KDM5A: variants seen among roughly 807,000 people sequenced by gnomAD.
KDM5A encodes the protein lysine demethylase 5A, also known as lysine-specific demethylase 5A.
In KDM5A, 42 loss-of-function variants were observed where a neutral mutation model predicts 193.5. The ratio of observed to expected loss-of-function variants is 0.22; its 90% confidence interval spans 0.17 to 0.28. KDM5A has a LOEUF of 0.28. KDM5A is among the 10% of genes least tolerant of loss of function. The pLI is 1.00. For missense variants in KDM5A, 1,692 were observed against 2,055.1 expected (o/e 0.82, Z 3.42); for synonymous variants, 796 against 718.1 (o/e 1.11, Z -1.73).
At chr12:345,219 C>T (rs1944055382) in intron 10 of KDM5A, among the ~76,000 whole-genome samples, 1 of 152,186 alleles carries the variant, frequency 6.6e-6, no homozygotes, top group Admixed American at 6.5e-5. Context: ...GAAGAGCTAA[C>T]TATCCTAAAT....
intron 19 of KDM5A, among the ~76,000 whole-genome samples, chr12:313,753 T>C (rs754778083): frequency 1.1e-4 from 16 of 152,228 alleles, no homozygotes; most frequent in African/African-American, 3.9e-4. Flanking sequence ...ATGCTTCTAC[T>C]GGGAACTAAA....
At chr12:316,578 G>A (rs1175015283) in intron 19 of KDM5A, among the ~76,000 whole-genome samples, 3 of 148,674 alleles carry the variant, frequency 2.0e-5, no homozygotes, top group Middle Eastern at 6.8e-3. Flanking sequence ...TTATTACCAC[G>A]AAATTTCATT....
chr12:383,426 G>A (rs1944599953), intron 3 of KDM5A, among the ~76,000 whole-genome samples: 3 of 151,764 alleles, frequency 2.0e-5, no homozygotes, highest in Admixed American at 1.3e-4. Context: ...CATGTTGCCT[G>A]GGCTAGTCTC....
intron 3 of KDM5A, among the ~76,000 whole-genome samples, chr12:367,192 A>G (rs894101629): frequency 9.9e-5 from 15 of 152,220 alleles, no homozygotes; most frequent in Admixed American, 7.9e-4. Flanking sequence ...GGGGACTGTG[A>G]CACAGTGTTC....
Position 389,161 on chromosome 12 carries a change from A to C in KDM5A, c.-70T>G, listed in dbSNP as rs777562752. 2 of 1,405,188 alleles carry C rather than the reference A, an allele frequency of 1.4e-6. No individual in the cohort carries two copies. Among genetic ancestry groups the C allele is most frequent in the Non-Finnish European group, 2.0e-6 (2 of 990,960 alleles). 87.0% of individuals were successfully genotyped at this position (1,405,188 alleles called of 1,614,324 possible). On this transcript the variant is annotated 5_prime_UTR_variant, in exon 1 of 28. Transcript: ENST00000399788. ...GAGAAAAGCTGGCTGAAGCCCACTA[A>C]GCCCGTTCAAGTCCCCTGACAGAGG...
intron 19 of KDM5A, among the ~76,000 whole-genome samples, chr12:315,435 A>G (rs879030404): frequency 6.6e-6 from 1 of 152,152 alleles, no homozygotes; most frequent in African/African-American, 2.4e-5. Flanking sequence ...TTAGCTGGGC[A>G]TGGTGGCATG....
At position 323,208 on chromosome 12, in the gene KDM5A, TACAAAAAAA is replaced by T. The variant is rs1943741384; in HGVS notation, c.2151-11_2151-3del. 4 of 105,064 alleles carry T rather than the reference TACAAAAAAA, an allele frequency of 3.8e-5. No individual in the cohort carries two copies. Among genetic ancestry groups the T allele is most frequent in the African/African-American group, 2.6e-4 (1 of 3,918 alleles). 6.5% of individuals were successfully genotyped at this position (105,064 alleles called of 1,614,324 possible). A position where few individuals can be genotyped will look rare whatever the true frequency, so the allele number is the denominator to read the frequency against. ...AGGTCTTCTAATGGGTAGCGATATC[TACAAAAAAA>T]AAAAAAAAAAAAAAAAAAAAAAGAA... On this transcript the variant is annotated splice_region_variant and splice_polypyrimidine_tract_variant and intron_variant, in intron 15 of 27. Transcript: ENST00000399788.
chr12:325,752 G>A (rs760711939), intron 14 of KDM5A, among the ~76,000 whole-genome samples: 32 of 150,474 alleles, frequency 2.1e-4, no homozygotes, highest in Non-Finnish European at 3.1e-4. Context: ...GGTGGCTCAC[G>A]CCTGTAATCC....
chr12:289,958 T>C (rs1005196656), intron 27 of KDM5A, among the ~76,000 whole-genome samples: 4 of 149,406 alleles, frequency 2.7e-5, no homozygotes, highest in African/African-American at 7.4e-5. Context: ...TTTTTCTTTT[T>C]GAGACAGGGT....
In KDM5A at chr12:384,021, T is replaced by C. The variant is rs965282652; in HGVS notation, c.366+10A>G. On this transcript the variant is annotated intron_variant, in intron 3 of 27. Transcript: ENST00000399788. ...CTGTGCTCTAATTTCTAAACCAGTA[T>C]GAGCCTCACCTTGCTCAAAGCATAC... is the stretch of plus-strand genomic sequence containing the variant. 4.3e-6 allele frequency: 7 copies of C among 1,613,376 alleles called. No individual in the cohort carries two copies. The Admixed American group carries it at 1.2e-4, about 27-fold the overall frequency.
At position 387,978 on chromosome 12, in the gene KDM5A, G is replaced by C. The variant is rs1293626637; in HGVS notation, c.165+949C>G. ...TTAACAAGCAACGACTAAAGCAATG[G>C]TTCGAAAACCTCAACTTACATGAGA... On this transcript the variant is annotated intron_variant, in intron 1 of 27. Coordinates refer to ENST00000399788, the MANE Select transcript of KDM5A (RefSeq NM_001042603.3). Among the ~76,000 whole-genome samples the C allele has an allele frequency of 3.0e-5, 3 of 98,820 alleles. No individual in the cohort carries two copies. In the South Asian group the frequency reaches 9.9e-4, roughly 33 times the overall value. 64.8% of individuals were successfully genotyped at this position (98,820 alleles called of 152,430 possible). A position where few individuals can be genotyped will look rare whatever the true frequency, so the allele number is the denominator to read the frequency against.
At chr12:324,907 T>G (rs1370470312) in intron 14 of KDM5A, among the ~76,000 whole-genome samples, 1 of 151,954 alleles carries the variant, frequency 6.6e-6, no homozygotes, top group African/African-American at 2.4e-5. Flanking sequence ...TAAGAGCATA[T>G]GAAGTGCATT....
rs574992654 is a variant in KDM5A at position 305,242 on chromosome 12, C to G, written c.4074+1704G>C. The stretch of plus-strand genomic sequence containing the variant: ...CCATCTGTTCACAAAACTTTCAAAA[C>G]TGAAAAATAATAATCTACCATATAA... On this transcript the variant is annotated intron_variant, in intron 24 of 27. Coordinates refer to ENST00000399788, the MANE Select transcript of KDM5A (RefSeq NM_001042603.3). 2.0e-5 allele frequency among the ~76,000 whole-genome samples: 3 copies of G among 152,076 alleles called. No homozygotes were observed. In the South Asian group the frequency reaches 6.2e-4, roughly 32 times the overall value.
At chr12:340,486 T>G (rs1421336261) in intron 10 of KDM5A, among the ~76,000 whole-genome samples, 4 of 151,790 alleles carry the variant, frequency 2.6e-5, no homozygotes, top group South Asian at 2.1e-4. Context: ...ATGAGGTCAG[T>G]AGTTCGAGAC....
rs536672357 is a variant in KDM5A at position 343,193 on chromosome 12, A to G, written c.1308+7428T>C. Among the ~76,000 whole-genome samples the G allele has an allele frequency of 2.0e-5, 3 of 152,172 alleles. No individual in the cohort carries two copies. In the South Asian group the frequency reaches 6.2e-4, roughly 32 times the overall value. ...CTGCTAGCGCAGCAGTCTGAGATCA[A>G]TCTGCTGAGGCAGCAGCCTGGCTGG... On this transcript the variant is annotated intron_variant, in intron 10 of 27. Coordinates refer to ENST00000399788, the MANE Select transcript of KDM5A (RefSeq NM_001042603.3).
At chr12:381,781 T>C (rs369712263) in intron 3 of KDM5A, among the ~76,000 whole-genome samples, 1 of 151,050 alleles carries the variant, frequency 6.6e-6, no homozygotes, top group African/African-American at 2.4e-5. Flanking sequence ...AATTTTAAAA[T>C]GTATCATAAA....
intron 2 of KDM5A, among the ~76,000 whole-genome samples, chr12:384,875 T>C (rs949481014): frequency 6.6e-6 from 1 of 152,102 alleles, no homozygotes; most frequent in African/African-American, 2.4e-5. Flanking sequence ...AGTATCTAAT[T>C]ACAAGAGACT....
intron 10 of KDM5A, among the ~76,000 whole-genome samples, chr12:337,646 C>CTTTT (rs61446610): frequency 7.1e-6 from 1 of 140,642 alleles, no homozygotes; most frequent in Admixed American, 7.1e-5. Context: ...TATTTCTAAA[C>CTTTT]TTTTTTTTTT....
At chr12:355,293 A>G in intron 6 of KDM5A, 44 bp from the exon 7 acceptor site, 1 of 1,039,776 alleles carries the variant, frequency 9.6e-7, no homozygotes, top group African/African-American at 1.6e-5. Context: ...ACCAATGTTG[A>G]GAGCTTACTA....
Sources: allele counts gnomAD v4.1 joint callset (sites outside exome capture counted in the v4.1 genomes callset), GRCh38; gene constraint gnomAD v4.1.1; transcripts MANE v1.5; gene names NCBI Gene and HGNC (gene_info 2026-07-23, HGNC 2026-07-21).